Variants in DNAJC10 observed in about 807,000 individuals in gnomAD.
DNAJC10 encodes the protein DnaJ heat shock protein family (Hsp40) member C10, also known as endoplasmic reticulum disulfide reductase DNAJC10.
In DNAJC10, 101 loss-of-function variants were observed where a neutral mutation model predicts 115.0. That is an observed-to-expected ratio of 0.88 (90% CI 0.75 to 1.04). The LOEUF (loss-of-function observed/expected upper bound fraction) is 1.04. DNAJC10 is among the 50% of genes least tolerant of loss of function. DNAJC10 has a pLI of 0.00. For missense variants in DNAJC10, 981 were observed against 928.8 expected (o/e 1.06, Z -0.73); for synonymous variants, 307 against 301.5 (o/e 1.02, Z -0.19).
At chr2:182,743,074 T>C (rs1693776929) in intron 13 of DNAJC10, among the ~76,000 whole-genome samples, 1 of 152,144 alleles carries the variant, frequency 6.6e-6, no homozygotes, top group African/African-American at 2.4e-5. Context: ...CTCAAACTCC[T>C]GACCTCAGGC....
intron 14 of DNAJC10, among the ~76,000 whole-genome samples, chr2:182,746,965 C>T (rs1173080516): frequency 6.6e-6 from 1 of 151,562 alleles, no homozygotes; most frequent in African/African-American, 2.4e-5. Context: ...CCAGTTTTCC[C>T]AGCACCATTT....
intron 22 of DNAJC10, among the ~76,000 whole-genome samples, chr2:182,773,686 T>C (rs1396557739): frequency 6.6e-6 from 1 of 152,242 alleles, no homozygotes; most frequent in Non-Finnish European, 1.5e-5. Context: ...CATCAGGTCC[T>C]TTAAGGTCTT....
intron 14 of DNAJC10, among the ~76,000 whole-genome samples, chr2:182,747,278 G>A (rs1465116649): frequency 1.3e-5 from 2 of 152,090 alleles, no homozygotes; most frequent in African/African-American, 4.8e-5. Flanking sequence ...AAAGGCATTG[G>A]TAGCTTGATG....
chr2:182,724,310 A>G (rs1201615457), intron 5 of DNAJC10, among the ~76,000 whole-genome samples: 1 of 152,206 alleles, frequency 6.6e-6, no homozygotes, highest in Non-Finnish European at 1.5e-5. Context: ...AGTGCAGTTT[A>G]TATTTTATCT....
intron 22 of DNAJC10, among the ~76,000 whole-genome samples, chr2:182,771,193 C>T (rs1198357750): frequency 2.6e-5 from 4 of 152,030 alleles, no homozygotes; most frequent in African/African-American, 9.7e-5. Flanking sequence ...TGATGTGCTG[C>T]TGGATTCAGT....
chr2:182,762,865 C>T lies in DNAJC10; in HGVS notation c.2265+64C>T. On this transcript the variant is annotated intron_variant, in intron 22 of 23. Coordinates refer to ENST00000264065, the MANE Select transcript of DNAJC10 (RefSeq NM_018981.4). ...CCAAGCTCAAAAGATGTGTTTCAGT[C>T]TGAGTAATGTTTTTTTTCTGTTTTC... The T allele has an allele frequency of 2.6e-6, 4 of 1,518,074 alleles. No homozygotes were observed. The South Asian group carries it at 5.0e-5, about 19-fold the overall frequency. 94.0% of individuals were successfully genotyped at this position (1,518,074 alleles called of 1,614,324 possible). A position where few individuals can be genotyped will look rare whatever the true frequency, so the allele number is the denominator to read the frequency against.
At chr2:182,729,365 T>G (rs978855667) in intron 7 of DNAJC10, among the ~76,000 whole-genome samples, 1 of 152,146 alleles carries the variant, frequency 6.6e-6, no homozygotes, top group Non-Finnish European at 1.5e-5. Flanking sequence ...GCCAGGCTGG[T>G]CTTGAACTCC....
At chr2:182,754,548 AATC>A (rs1694107690) in intron 16 of DNAJC10, among the ~76,000 whole-genome samples, 1 of 152,166 alleles carries the variant, frequency 6.6e-6, no homozygotes, top group African/African-American at 2.4e-5. Context: ...CCTAAAATAT[AATC>A]ATGTACCCCC....
intron 19 of DNAJC10, among the ~76,000 whole-genome samples, chr2:182,758,074 A>G (rs1694201687): frequency 6.6e-6 from 1 of 152,194 alleles, no homozygotes; most frequent in South Asian, 2.1e-4. Flanking sequence ...TAAGTCCTTA[A>G]ACACCTTATT....
intron 14 of DNAJC10, among the ~76,000 whole-genome samples, chr2:182,748,976 T>G (rs1054053365): frequency 1.3e-5 from 2 of 151,846 alleles, no homozygotes; most frequent in Non-Finnish European, 2.9e-5. Flanking sequence ...TTGAGTGAGA[T>G]TCTTAATCCT....
chr2:182,766,843 A>G (rs572152100), intron 22 of DNAJC10, among the ~76,000 whole-genome samples: 6 of 152,050 alleles, frequency 3.9e-5, no homozygotes, highest in Admixed American at 2.0e-4. Context: ...CCTCTAATCT[A>G]CTTAAGGGGG....
intron 5 of DNAJC10, 69 bp downstream of exon 5, chr2:182,722,144 A>C: frequency 9.2e-7 from 1 of 1,086,434 alleles, no homozygotes; most frequent in Non-Finnish European, 1.3e-6. Flanking sequence ...TCTAGGGGAT[A>C]TATATGTTTG....
Position 182,763,583 on chromosome 2 carries a change from A to G in DNAJC10, c.2265+782A>G, listed in dbSNP as rs142378335. Among the ~76,000 whole-genome samples, 619 of 152,244 alleles carry G rather than the reference A, an allele frequency of 4.1e-3. 7 individuals are homozygous for G. The highest frequency in any genetic ancestry group is 0.014 in the African/African-American group (593 of 41,554). Reference sequence around the variant, plus strand: ...ACTGCATTCTCAGGAGGCTGTTTTTAGCGTTCCTTATCACACCACACACTC... The same window carrying G: ...ACTGCATTCTCAGGAGGCTGTTTTTGGCGTTCCTTATCACACCACACACTC... On this transcript the variant is annotated intron_variant, in intron 22 of 23. Coordinates refer to ENST00000264065, the MANE Select transcript of DNAJC10 (RefSeq NM_018981.4).
rs2105715167 is a variant in DNAJC10 at position 182,777,984 on chromosome 2, T to G, written c.*852T>G. 1 of 152,314 alleles carries G rather than the reference T, an allele frequency of 6.6e-6. No individual in the cohort carries two copies. The highest frequency in any genetic ancestry group is 2.1e-4 in the South Asian group (1 of 4,824). 9.4% of individuals were successfully genotyped at this position (152,314 alleles called of 1,614,324 possible). ...AGTATCCTAAATATGTTATCAAGTA[T>G]TTAGAGTTCTATATTTTAAAGATAT... On this transcript the variant is annotated 3_prime_UTR_variant, in exon 24 of 24. Transcript: ENST00000264065.
intron 14 of DNAJC10, among the ~76,000 whole-genome samples, chr2:182,746,070 T>C (rs1343539947): frequency 3.3e-5 from 5 of 152,346 alleles, no homozygotes; most frequent in Admixed American, 6.5e-5. Context: ...CATGAACTCA[T>C]CCTTTTTTAT....
At chr2:182,757,026 CTTTAT>C (rs1007213973) in intron 18 of DNAJC10, among the ~76,000 whole-genome samples, 2 of 152,030 alleles carry the variant, frequency 1.3e-5, no homozygotes, top group African/African-American at 4.8e-5. Context: ...TTTTTTCCTG[CTTTAT>C]TTTTAGAGTT....
Position 182,783,101 on chromosome 2 carries a change from G to GT in DNAJC10, c.*5974dup, listed in dbSNP as rs1158881588. ...TTCCATCATATCTAGTTTTTTGAGTGTTTTTAGCATGAAAGGGTGTTAATT... is the reference window on the plus strand; with the variant it reads ...TTCCATCATATCTAGTTTTTTGAGTGTTTTTTAGCATGAAAGGGTGTTAATT... On this transcript the variant is annotated 3_prime_UTR_variant, in exon 24 of 24. Transcript: ENST00000264065. 15 of 152,200 alleles carry GT rather than the reference G, an allele frequency of 9.9e-5. No homozygotes were observed. In the East Asian group the frequency reaches 2.1e-3, roughly 22 times the overall value. The allele number at this position is 152,200 out of a possible 1,614,324, so 9.4% of individuals were successfully genotyped here.
rs1240751070 is a variant in DNAJC10, at chr2:182,790,952, C to T, written c.*13820C>T. 1.3e-5 allele frequency: 2 copies of T among 151,982 alleles called. No homozygotes were observed. Among genetic ancestry groups the T allele is most frequent in the Non-Finnish European group, 2.9e-5 (2 of 68,010 alleles). 9.4% of individuals were successfully genotyped at this position (151,982 alleles called of 1,614,324 possible). On this transcript the variant is annotated 3_prime_UTR_variant, in exon 24 of 24. Coordinates refer to ENST00000264065, the MANE Select transcript of DNAJC10 (RefSeq NM_018981.4). ...CCAAGTAACCATATTCTCTTTTACC[C>T]TCCTGTTCAACTGTCTATGCTCCTT...
Position 182,759,183 on chromosome 2 carries a change from A to T in DNAJC10, c.2021A>T (p.Asp674Val), listed in dbSNP as rs1213058057. ...GLGFLPQVST[D>V]LTPQTFSEKV... ...AGATTTTTACCTCAAGTATCCACAG[A>T]TCTAACACCTCAGACTTTCAGTGAA... The change falls in exon 21 of 24, where the codon GAT becomes GTT. Residue 674 changes from aspartate (D) to valine (V), a missense_variant. By Grantham distance (152) the Asp-to-Val change is radical (BLOSUM62 -3). Transcript: ENST00000264065. The T allele has an allele frequency of 1.3e-6, 2 of 1,599,988 alleles. No individual in the cohort carries two copies. Among genetic ancestry groups the T allele is most frequent in the Non-Finnish European group, 1.7e-6 (2 of 1,176,738 alleles).
Sources: allele counts gnomAD v4.1 joint callset (sites outside exome capture counted in the v4.1 genomes callset), GRCh38; gene constraint gnomAD v4.1.1; transcripts MANE v1.5; gene names NCBI Gene and HGNC (gene_info 2026-07-23, HGNC 2026-07-21).